Variants in TRPC4 observed in about 807,000 individuals in gnomAD.
The protein encoded by TRPC4 is transient receptor potential cation channel subfamily C member 4.
A neutral mutation model predicts 99.4 loss-of-function variants in TRPC4; 49 were observed. That is an observed-to-expected ratio of 0.49 (90% CI 0.39 to 0.63). The LOEUF is 0.63. Among genes scored for constraint, TRPC4 ranks in the 20% least tolerant of loss-of-function variants. The pLI is 0.00. For synonymous variants in TRPC4, 454 were observed against 425.9 expected, an observed-to-expected ratio of 1.07 and a Z score of -0.81; for missense variants, 898 against 1,152.9, an observed-to-expected ratio of 0.78 and a Z score of 3.20.
At chr13:37,866,846 T>G (rs9603268) in intron 1 of TRPC4, among the ~76,000 whole-genome samples, 52,212 of 95,896 alleles carry the variant, frequency 0.54, 14,851 homozygotes, top group Admixed American at 0.6. Context: ...TTATTTTTTG[T>G]GGGGGGGGGC....
chr13:37,655,871 A>C (rs1952213491), intron 6 of TRPC4, among the ~76,000 whole-genome samples: 1 of 152,130 alleles, frequency 6.6e-6, no homozygotes, highest in African/African-American at 2.4e-5. Context: ...CATCACTAAT[A>C]AATGATAGAT....
intron 1 of TRPC4, among the ~76,000 whole-genome samples, chr13:37,789,774 A>C (rs1957066138): frequency 6.6e-6 from 1 of 152,030 alleles, no homozygotes; most frequent in South Asian, 2.1e-4. Context: ...GTAATGTATA[A>C]ATCAACACAT....
intron 2 of TRPC4, among the ~76,000 whole-genome samples, chr13:37,778,987 C>A (rs73170408): frequency 0.045 from 6,794 of 152,006 alleles, 218 homozygotes; most frequent in Non-Finnish European, 0.065. Context: ...AATACAAATC[C>A]CAAGGCCTCA....
chr13:37,837,425 G>A (rs1593292383), intron 1 of TRPC4, among the ~76,000 whole-genome samples: 1 of 152,238 alleles, frequency 6.6e-6, no homozygotes, highest in Admixed American at 6.5e-5. Flanking sequence ...AGGCTTGGCT[G>A]CCCAAGACCA....
chr13:37,822,415 T>C (rs1156945711), intron 1 of TRPC4, among the ~76,000 whole-genome samples: 8 of 149,458 alleles, frequency 5.4e-5, no homozygotes, highest in African/African-American at 2.0e-4. Flanking sequence ...CCTAATGCTA[T>C]CCCTCCCCCC....
At chr13:37,842,438 AAAAG>A (rs1165089575) in intron 1 of TRPC4, among the ~76,000 whole-genome samples, 1 of 152,026 alleles carries the variant, frequency 6.6e-6, no homozygotes, top group Non-Finnish European at 1.5e-5. Flanking sequence ...CTTAAAAAGA[AAAAG>A]AAAGAGTTGG....
intron 2 of TRPC4, among the ~76,000 whole-genome samples, chr13:37,750,143 A>G (rs1456525390): frequency 7.1e-5 from 1 of 14,016 alleles, no homozygotes; most frequent in Non-Finnish European, 1.3e-3. Flanking sequence ...TCTTTGAAAT[A>G]TATTCCTTTG....
At chr13:37,734,360 G>T (rs1377662064) in intron 3 of TRPC4, among the ~76,000 whole-genome samples, 2 of 152,076 alleles carry the variant, frequency 1.3e-5, no homozygotes, top group African/African-American at 4.8e-5. Context: ...TTTGAACTTG[G>T]CCTAGGGCTT....
At chr13:37,855,511 C>T (rs1407620667) in intron 1 of TRPC4, among the ~76,000 whole-genome samples, 2 of 151,690 alleles carry the variant, frequency 1.3e-5, no homozygotes, top group Non-Finnish European at 3.0e-5. Context: ...TCAGACTTAA[C>T]TTGTGCTATA....
At chr13:37,813,144 T>G (rs2139487189) in intron 1 of TRPC4, among the ~76,000 whole-genome samples, 1 of 151,872 alleles carries the variant, frequency 6.6e-6, no homozygotes, top group Non-Finnish European at 1.5e-5. Flanking sequence ...TAAATGATAT[T>G]CTCTAAAATA....
At chr13:37,746,568 T>C in intron 2 of TRPC4, 113 bp from the exon 3 acceptor site, 1 of 650,924 alleles carries the variant, frequency 1.5e-6, no homozygotes, top group South Asian at 4.1e-5. Flanking sequence ...CTTGGCCGGG[T>C]TTTTTTTTTT....
At chr13:37,853,913 G>A (rs1175325592) in intron 1 of TRPC4, among the ~76,000 whole-genome samples, 1 of 151,890 alleles carries the variant, frequency 6.6e-6, no homozygotes, top group East Asian at 1.9e-4. Flanking sequence ...AAAAAATGAA[G>A]TATGCTTATA....
At chr13:37,729,705 G>A (rs1223816776) in intron 3 of TRPC4, among the ~76,000 whole-genome samples, 1 of 152,054 alleles carries the variant, frequency 6.6e-6, no homozygotes, top group Non-Finnish European at 1.5e-5. Context: ...GAACTTTGAG[G>A]ACATTAGGCT....
intron 4 of TRPC4, among the ~76,000 whole-genome samples, chr13:37,687,890 G>A (rs1005603694): frequency 6.6e-6 from 1 of 152,096 alleles, no homozygotes; most frequent in Non-Finnish European, 1.5e-5. Flanking sequence ...AGTTTAAGTG[G>A]GTAATTTGAC....
chr13:37,785,924 C>T (rs949737537), intron 1 of TRPC4, among the ~76,000 whole-genome samples: 5 of 151,862 alleles, frequency 3.3e-5, no homozygotes, highest in African/African-American at 1.2e-4. Flanking sequence ...ATGTAAACCA[C>T]AGAAGTTCAT....
intron 10 of TRPC4, 151 bp downstream of exon 10, chr13:37,638,889 T>C (rs1458641131): frequency 2.8e-6 from 2 of 707,546 alleles, no homozygotes. Flanking sequence ...CTTTTCTTTT[T>C]ACAGTTCTGT....
chr13:37,828,618 G>A (rs535511517), intron 1 of TRPC4, among the ~76,000 whole-genome samples: 4 of 152,282 alleles, frequency 2.6e-5, no homozygotes, highest in African/African-American at 9.6e-5. Context: ...TAAAGAAAAT[G>A]TGGTACATAT....
intron 1 of TRPC4, among the ~76,000 whole-genome samples, chr13:37,857,128 C>T (rs922271724): frequency 7.3e-5 from 11 of 151,068 alleles, no homozygotes; most frequent in Admixed American, 1.3e-4. Flanking sequence ...TTCTATATGC[C>T]AACAGTAAAC....
rs1951424342 is a variant in TRPC4, at chr13:37,632,869, G to T, written c.*4034C>A. On this transcript the variant is annotated 3_prime_UTR_variant, in exon 11 of 11. Coordinates refer to ENST00000379705, the MANE Select transcript of TRPC4 (RefSeq NM_016179.4). ...TGGTATTAATTCTGAATTTTAACTT[G>T]AATGTTTGGACAACTATATTTTCTA... Among the ~76,000 whole-genome samples the T allele has an allele frequency of 6.6e-6, 1 of 152,152 alleles. No individual in the cohort carries two copies. The highest frequency in any genetic ancestry group is 1.5e-5 in the Non-Finnish European group (1 of 68,028).
Sources: gnomAD v4.1 joint callset for allele counts (sites outside exome capture counted in the v4.1 genomes callset) on GRCh38, gnomAD v4.1.1 for gene constraint, MANE v1.5 for transcripts, NCBI Gene and HGNC (gene_info 2026-07-23, HGNC 2026-07-21) for gene names.